FOXN3: variants seen among roughly 807,000 people sequenced by gnomAD.
The protein encoded by FOXN3 is forkhead box protein N3.
Under a neutral mutation model 38.4 loss-of-function variants are expected in FOXN3, and 7 were observed. The observed-to-expected ratio is 0.18, with a 90% CI of 0.10 to 0.34. The LOEUF (loss-of-function observed/expected upper bound fraction) is 0.34, where lower values mean the gene tolerates loss of function less well. FOXN3 is among the 10% of genes least tolerant of loss of function. FOXN3 has a pLI of 1.00. For synonymous variants in FOXN3, 230 were observed against 242.2 expected (o/e 0.95, Z 0.47); for missense variants, 456 against 613.4 (o/e 0.74, Z 2.71).
chr14:89,324,631 A>G (rs1169434644), intron 3 of FOXN3, among the ~76,000 whole-genome samples: 1 of 152,208 alleles, frequency 6.6e-6, no homozygotes, highest in Non-Finnish European at 1.5e-5. Flanking sequence ...ACAGCGTTTC[A>G]TCCTAAGATG....
At chr14:89,363,993 ATATAT>A (rs1890048130) in intron 2 of FOXN3, among the ~76,000 whole-genome samples, 1 of 117,112 alleles carries the variant, frequency 8.5e-6, no homozygotes, top group African/African-American at 3.4e-5. Flanking sequence ...TATATAATAT[ATATAT>A]ATATTCTTCC....
At chr14:89,602,495 T>G (rs1896173352) in intron 1 of FOXN3, among the ~76,000 whole-genome samples, 1 of 151,760 alleles carries the variant, frequency 6.6e-6, no homozygotes, top group Non-Finnish European at 1.5e-5. Flanking sequence ...ATTTTTTTCT[T>G]TTTTTTCTTT....
chr14:89,517,450 T>C (rs914765850), intron 1 of FOXN3, among the ~76,000 whole-genome samples: 4 of 151,896 alleles, frequency 2.6e-5, no homozygotes, highest in Non-Finnish European at 5.9e-5. Flanking sequence ...TCAGGAAACT[T>C]TCAATCATGG....
chr14:89,480,724 G>T (rs1455254232), intron 1 of FOXN3, among the ~76,000 whole-genome samples: 3 of 152,114 alleles, frequency 2.0e-5, no homozygotes, highest in Admixed American at 6.5e-5. Context: ...TTGGTTCCCA[G>T]AACACAAATT....
chr14:89,219,228 C>T (rs986416362), intron 4 of FOXN3, among the ~76,000 whole-genome samples: 1 of 152,116 alleles, frequency 6.6e-6, no homozygotes, highest in Admixed American at 6.5e-5. Context: ...CTCACGAGAT[C>T]TGATGGTTTA....
At chr14:89,241,020 T>C (rs75642503) in intron 4 of FOXN3, among the ~76,000 whole-genome samples, 5,715 of 152,178 alleles carry the variant, frequency 0.038, 330 homozygotes, top group African/African-American at 0.13. Flanking sequence ...CTGCACCCAC[T>C]TCCCAGTGAT....
At chr14:89,458,091 A>C (rs1892765526) in intron 1 of FOXN3, among the ~76,000 whole-genome samples, 1 of 151,640 alleles carries the variant, frequency 6.6e-6, no homozygotes. Flanking sequence ...TCACCTGCTG[A>C]ACATTACTCT....
chr14:89,357,224 G>C (rs1427528385), intron 2 of FOXN3, among the ~76,000 whole-genome samples: 1 of 152,132 alleles, frequency 6.6e-6, no homozygotes, highest in Non-Finnish European at 1.5e-5. Context: ...ACTGCTGCTT[G>C]AGCCCAGGAG....
At chr14:89,227,909 T>TA (rs1455593326) in intron 4 of FOXN3, among the ~76,000 whole-genome samples, 1 of 152,142 alleles carries the variant, frequency 6.6e-6, no homozygotes, top group Non-Finnish European at 1.5e-5. Context: ...CTTATGAGCT[T>TA]AAAGGGAAAC....
intron 5 of FOXN3, among the ~76,000 whole-genome samples, chr14:89,172,338 C>T (rs930399979): frequency 2.6e-5 from 4 of 152,228 alleles, no homozygotes; most frequent in African/African-American, 9.6e-5. Context: ...CCTCCCGCCT[C>T]AGCCTCCTGA....
At chr14:89,541,589 A>C (rs1362274116) in intron 1 of FOXN3, among the ~76,000 whole-genome samples, 1 of 152,200 alleles carries the variant, frequency 6.6e-6, no homozygotes, top group African/African-American at 2.4e-5. Flanking sequence ...ATAACTATAA[A>C]AATGGGCAGC....
chr14:89,157,277 G>A lies in FOXN3; in HGVS notation c.*5137C>T, dbSNP rs1021574565. On this transcript the variant is annotated 3_prime_UTR_variant, in exon 6 of 6. Transcript: ENST00000557258. Reference sequence around the variant, plus strand: ...TAAAAGATGGATCGTTTTAAAAACTGTGTTTTCCTTCCTTAATTTTTGGTC... The same window carrying A: ...TAAAAGATGGATCGTTTTAAAAACTATGTTTTCCTTCCTTAATTTTTGGTC... 3 of 152,590 alleles carry A rather than the reference G, an allele frequency of 2.0e-5. No individual in the cohort carries two copies. The highest frequency in any genetic ancestry group is 2.9e-5 in the Non-Finnish European group (2 of 68,036). The allele number at this position is 152,590 out of a possible 1,614,324, so 9.5% of individuals were successfully genotyped here.
At chr14:89,543,858 A>G (rs1460449029) in intron 1 of FOXN3, among the ~76,000 whole-genome samples, 1 of 152,154 alleles carries the variant, frequency 6.6e-6, no homozygotes, top group Non-Finnish European at 1.5e-5. Flanking sequence ...TCTGCATTCT[A>G]GTATACAACC....
chr14:89,581,000 C>A (rs1374496155), intron 1 of FOXN3, among the ~76,000 whole-genome samples: 1 of 142,540 alleles, frequency 7.0e-6, no homozygotes, highest in African/African-American at 2.5e-5. Flanking sequence ...CTGGGCAACA[C>A]AGTTAGACCT....
At chr14:89,612,509 A>C (rs576862366) in intron 1 of FOXN3, among the ~76,000 whole-genome samples, 128 of 152,290 alleles carry the variant, frequency 8.4e-4, no homozygotes, top group African/African-American at 3.0e-3. Flanking sequence ...AAGAGCTCTT[A>C]AACTGGCTGG....
chr14:89,431,104 G>A (rs1892146007), intron 1 of FOXN3, among the ~76,000 whole-genome samples: 1 of 152,194 alleles, frequency 6.6e-6, no homozygotes. Context: ...TTTTTAAGTA[G>A]AGAAAGAAGA....
intron 5 of FOXN3, among the ~76,000 whole-genome samples, chr14:89,166,073 A>T (rs986692439): frequency 3.3e-5 from 5 of 152,186 alleles, no homozygotes; most frequent in Non-Finnish European, 7.3e-5. Flanking sequence ...AATCTAGGTG[A>T]AGGGTCTGTG....
At chr14:89,352,293 C>T (rs1889002404) in intron 2 of FOXN3, among the ~76,000 whole-genome samples, 1 of 152,244 alleles carries the variant, frequency 6.6e-6, no homozygotes, top group African/African-American at 2.4e-5. Flanking sequence ...CACACATTCT[C>T]AAACCCAGAA....
At chr14:89,250,825 G>A (rs1305017699) in intron 4 of FOXN3, among the ~76,000 whole-genome samples, 10 of 152,168 alleles carry the variant, frequency 6.6e-5, no homozygotes, top group Admixed American at 6.5e-4. Context: ...AATGTCTCAT[G>A]AGATCTGATG....
Sources: gnomAD v4.1 joint callset for allele counts (sites outside exome capture counted in the v4.1 genomes callset) on GRCh38, gnomAD v4.1.1 for gene constraint, MANE v1.5 for transcripts, NCBI Gene and HGNC (gene_info 2026-07-23, HGNC 2026-07-21) for gene names.